The following MAN1A1 variants were observed in gnomAD, a reference collection of about 807,000 sequenced individuals.
MAN1A1 encodes the protein mannosyl-oligosaccharide 1,2-alpha-mannosidase IA.
MAN1A1 carries 29 observed loss-of-function variants against 70.8 expected under a neutral mutation model. The observed-to-expected ratio is 0.41, with a 90% CI of 0.31 to 0.56. The LOEUF (loss-of-function observed/expected upper bound fraction) is 0.56, where lower values mean the gene tolerates loss of function less well. MAN1A1 is among the 20% of genes least tolerant of loss of function. MAN1A1 has a pLI of 0.29. For synonymous variants in MAN1A1, 349 were observed against 330.1 expected (o/e 1.06, Z -0.62); for missense variants, 747 against 841.3 (o/e 0.89, Z 1.39).
intron 6 of MAN1A1, among the ~76,000 whole-genome samples, chr6:119,226,402 G>C (rs553238525): frequency 1.3e-5 from 2 of 152,150 alleles, no homozygotes; most frequent in Non-Finnish European, 2.9e-5. Context: ...TCTTTAAAAG[G>C]TGCTGCTAGG....
chr6:119,293,502 C>T (rs377175715), intron 4 of MAN1A1, among the ~76,000 whole-genome samples: 57 of 152,006 alleles, frequency 3.7e-4, no homozygotes, highest in African/African-American at 1.3e-3. Context: ...CTGCTATGTC[C>T]TTGTCTTTAA....
At chr6:119,246,181 G>A (rs1775162767) in intron 6 of MAN1A1, among the ~76,000 whole-genome samples, 1 of 152,064 alleles carries the variant, frequency 6.6e-6, no homozygotes, top group Non-Finnish European at 1.5e-5. Flanking sequence ...AAATGGACTC[G>A]ACTTTTGCAA....
chr6:119,300,436 A>T (rs1349170052), intron 4 of MAN1A1, among the ~76,000 whole-genome samples: 2 of 151,680 alleles, frequency 1.3e-5, no homozygotes, highest in Non-Finnish European at 2.9e-5. Flanking sequence ...TTGTATTTTT[A>T]GTAGAGACGG....
Position 119,349,689 on chromosome 6 carries a change from A to T in MAN1A1, c.-370T>A. On this transcript the variant is annotated 5_prime_UTR_variant, in exon 1 of 13. Transcript: ENST00000368468. ...AGCCCCGGCGCGGCTCAGGTGGGCG[A>T]GCGCGCCGACCTGCGGGCGAATGGC... The T allele has an allele frequency of 1.0e-6, 1 of 985,752 alleles. No homozygotes were observed. The highest frequency in any genetic ancestry group is 1.2e-6 in the Non-Finnish European group (1 of 830,026). The allele number at this position is 985,752 out of a possible 1,614,324, so 61.1% of individuals were successfully genotyped here.
chr6:119,228,048 C>G (rs973054468), intron 6 of MAN1A1, among the ~76,000 whole-genome samples: 1 of 152,026 alleles, frequency 6.6e-6, no homozygotes, highest in Non-Finnish European at 1.5e-5. Context: ...GAAAAAGAGA[C>G]AAGAAACAAA....
intron 2 of MAN1A1, among the ~76,000 whole-genome samples, chr6:119,347,352 C>T (rs2114517582): frequency 6.6e-6 from 1 of 152,270 alleles, no homozygotes; most frequent in East Asian, 1.9e-4. Context: ...ATTACCTACC[C>T]AATATGAAAA....
At chr6:119,275,598 G>A (rs1473477743) in intron 5 of MAN1A1, among the ~76,000 whole-genome samples, 3 of 139,690 alleles carry the variant, frequency 2.1e-5, no homozygotes, top group African/African-American at 8.1e-5. Flanking sequence ...GAGCCACCGC[G>A]CCCGGCCTAA....
intron 5 of MAN1A1, among the ~76,000 whole-genome samples, chr6:119,286,949 C>T (rs1457561229): frequency 6.6e-6 from 1 of 152,094 alleles, no homozygotes; most frequent in Non-Finnish European, 1.5e-5. Context: ...TCCTATCTCC[C>T]TACTCTTCTC....
At chr6:119,228,113 T>C (rs1174635882) in intron 6 of MAN1A1, among the ~76,000 whole-genome samples, 1 of 152,216 alleles carries the variant, frequency 6.6e-6, no homozygotes, top group Non-Finnish European at 1.5e-5. Context: ...TTAAACAATG[T>C]TGAAATTTAT....
intron 6 of MAN1A1, among the ~76,000 whole-genome samples, chr6:119,205,599 G>A (rs950217221): frequency 6.6e-6 from 1 of 152,044 alleles, no homozygotes; most frequent in African/African-American, 2.4e-5. Flanking sequence ...TAAAAAACTA[G>A]GCCTTTTAAA....
intron 6 of MAN1A1, among the ~76,000 whole-genome samples, chr6:119,212,578 T>C (rs1251772968): frequency 1.3e-5 from 2 of 152,196 alleles, no homozygotes; most frequent in Admixed American, 1.3e-4. Context: ...CAAGATATCC[T>C]ACCCTGAAAT....
At chr6:119,180,569 G>C (rs948783798) in intron 11 of MAN1A1, 142 bp from the exon 12 acceptor site, 1 of 562,300 alleles carries the variant, frequency 1.8e-6, no homozygotes, top group African/African-American at 1.9e-5. Flanking sequence ...GCGGAGTACA[G>C]TGGCACCATC....
At chr6:119,222,891 G>A (rs1774403736) in intron 6 of MAN1A1, among the ~76,000 whole-genome samples, 2 of 152,066 alleles carry the variant, frequency 1.3e-5, no homozygotes, top group South Asian at 4.1e-4. Context: ...TTGCCACTGG[G>A]ATTCCATTTG....
At chr6:119,253,282 C>A (rs1299653862) in intron 5 of MAN1A1, among the ~76,000 whole-genome samples, 1 of 152,088 alleles carries the variant, frequency 6.6e-6, no homozygotes, top group Non-Finnish European at 1.5e-5. Context: ...GCTTTCTGAA[C>A]CCTGGTGAAA....
chr6:119,188,614 C>T (rs376352723), intron 10 of MAN1A1, 37 bp from the exon 11 acceptor site: 62 of 1,575,390 alleles, frequency 3.9e-5, no homozygotes, highest in Non-Finnish European at 5.0e-5. Context: ...GGGTTATTTT[C>T]CTGGACAGTG....
chr6:119,205,655 T>C lies in MAN1A1; in HGVS notation c.993-773A>G, dbSNP rs577207751. Among the ~76,000 whole-genome samples the C allele has an allele frequency of 2.0e-5, 3 of 152,342 alleles. No individual in the cohort carries two copies. In the South Asian group the frequency reaches 6.2e-4, roughly 32 times the overall value. On this transcript the variant is annotated intron_variant, in intron 6 of 12. Coordinates refer to ENST00000368468, the MANE Select transcript of MAN1A1 (RefSeq NM_005907.4). Reference sequence around the variant, plus strand: ...ATACAAATACACATAAAGTGACTCCTGAGACATGGCAGTACTCTTGGGTAC... The same window carrying C: ...ATACAAATACACATAAAGTGACTCCCGAGACATGGCAGTACTCTTGGGTAC...
intron 2 of MAN1A1, among the ~76,000 whole-genome samples, chr6:119,340,235 C>T (rs1582817609): frequency 6.6e-6 from 1 of 152,134 alleles, no homozygotes; most frequent in African/African-American, 2.4e-5. Flanking sequence ...TATGCCCCGA[C>T]AGAGAGAGAT....
rs143201256 is a variant in MAN1A1 at position 119,291,814 on chromosome 6, C to T, written c.817-1051G>A. On this transcript the variant is annotated intron_variant, in intron 4 of 12. Coordinates refer to ENST00000368468, the MANE Select transcript of MAN1A1 (RefSeq NM_005907.4). Reference sequence around the variant, plus strand: ...TAATAATCATGTATGTTATACCATGCTGAAATAGCCCTTATTTACACCAAT... The same window carrying T: ...TAATAATCATGTATGTTATACCATGTTGAAATAGCCCTTATTTACACCAAT... Among the ~76,000 whole-genome samples, 924 of 152,098 alleles carry T rather than the reference C, an allele frequency of 6.1e-3. 6 individuals carry two copies. The highest frequency in any genetic ancestry group is 0.021 in the African/African-American group (874 of 41,530).
At chr6:119,332,781 A>G (rs168983) in intron 2 of MAN1A1, among the ~76,000 whole-genome samples, 138,930 of 147,192 alleles carry the variant, frequency 0.94, 65,584 homozygotes, top group East Asian at 1. Context: ...GCAAAACTCC[A>G]TCTCAAGAAA....
Sources: allele counts gnomAD v4.1 joint callset (sites outside exome capture counted in the v4.1 genomes callset), GRCh38; gene constraint gnomAD v4.1.1; transcripts MANE v1.5; gene names NCBI Gene and HGNC (gene_info 2026-07-23, HGNC 2026-07-21).